The following STRN variants were observed in gnomAD, a reference collection of about 807,000 sequenced individuals.
STRN encodes the protein striatin, also known as protein phosphatase 2 regulatory subunit B'''alpha.
In STRN, 53 loss-of-function variants were observed where a neutral mutation model predicts 96.3. The observed-to-expected ratio is 0.55, with a 90% CI of 0.44 to 0.69. STRN has a LOEUF of 0.69. STRN is among the 30% of genes least tolerant of loss of function. The pLI is 0.00. For synonymous variants in STRN, 428 were observed against 355.9 expected (o/e 1.20, Z -2.28); for missense variants, 987 against 963.9 (o/e 1.02, Z -0.32).
At chr2:36,881,254 A>G (rs1669061799) in intron 9 of STRN, among the ~76,000 whole-genome samples, 1 of 151,190 alleles carries the variant, frequency 6.6e-6, no homozygotes, top group Non-Finnish European at 1.5e-5. Flanking sequence ...CAGCCTCCCA[A>G]GTAGCTGGGA....
intron 11 of STRN, among the ~76,000 whole-genome samples, chr2:36,868,918 G>A (rs571577866): frequency 2.0e-5 from 3 of 148,638 alleles, no homozygotes; most frequent in African/African-American, 7.5e-5. Flanking sequence ...GTGGAGCTCC[G>A]ATAAGGACCC....
intron 12 of STRN, among the ~76,000 whole-genome samples, chr2:36,861,964 C>G (rs75635648): frequency 0.039 from 5,870 of 152,098 alleles, 173 homozygotes; most frequent in East Asian, 0.13. Context: ...TCTATTGTTC[C>G]CTTCTTCTGT....
intron 7 of STRN, among the ~76,000 whole-genome samples, chr2:36,893,378 G>A (rs1455808002): frequency 6.6e-6 from 1 of 151,126 alleles, no homozygotes; most frequent in Non-Finnish European, 1.5e-5. Flanking sequence ...TTTATGAGAC[G>A]GATTTTCCCC....
At chr2:36,920,043 A>T (rs908605235) in intron 2 of STRN, among the ~76,000 whole-genome samples, 6 of 151,544 alleles carry the variant, frequency 4.0e-5, no homozygotes, top group Admixed American at 1.3e-4. Context: ...AAAGAAAATC[A>T]TGTAAAATCA....
At position 36,847,098 on chromosome 2, in the gene STRN, T is replaced by C. The variant is rs1312257553; in HGVS notation, c.*2358A>G. 1 of 152,168 alleles carries C rather than the reference T, an allele frequency of 6.6e-6. No individual in the cohort carries two copies. Among genetic ancestry groups the C allele is most frequent in the Admixed American group, 6.6e-5 (1 of 15,256 alleles). The allele number at this position is 152,168 out of a possible 1,614,324, so 9.4% of individuals were successfully genotyped here. A position where few individuals can be genotyped will look rare whatever the true frequency, so the allele number is the denominator to read the frequency against. ...CTAGGCTGAGATCATGCAGTGCTGG[T>C]AGAGAAGACTCTCTCCGTAGTCTCC... On this transcript the variant is annotated 3_prime_UTR_variant, in exon 18 of 18. Coordinates refer to ENST00000263918, the MANE Select transcript of STRN (RefSeq NM_003162.4).
At chr2:36,876,110 A>C (rs995891882) in intron 10 of STRN, among the ~76,000 whole-genome samples, 14 of 151,948 alleles carry the variant, frequency 9.2e-5, no homozygotes, top group Admixed American at 8.5e-4. Flanking sequence ...CTCTACCAAA[A>C]ATAAAGGAAA....
chr2:36,905,951 T>C (rs1258926950), intron 3 of STRN, among the ~76,000 whole-genome samples: 2 of 152,148 alleles, frequency 1.3e-5, no homozygotes, highest in African/African-American at 2.4e-5. Context: ...TATTATAAAG[T>C]AGCACATCAG....
chr2:36,841,981 CAA>C lies in STRN; in HGVS notation c.*7473_*7474del, dbSNP rs1667964101. ...GTACTTCTTTCCCCACACTCTCACC[CAA>C]GTTATCCAGCCCCCAAAATAAACTG... On this transcript the variant is annotated 3_prime_UTR_variant, in exon 18 of 18. Transcript: ENST00000263918. The C allele has an allele frequency of 6.6e-6, 1 of 152,178 alleles. No homozygotes were observed. Among genetic ancestry groups the C allele is most frequent in the African/African-American group, 2.4e-5 (1 of 41,438 alleles). The allele number at this position is 152,178 out of a possible 1,614,324, so 9.4% of individuals were successfully genotyped here. A position where few individuals can be genotyped will look rare whatever the true frequency, so the allele number is the denominator to read the frequency against.
chr2:36,857,202 C>T (rs1668368418), intron 14 of STRN, among the ~76,000 whole-genome samples: 3 of 151,546 alleles, frequency 2.0e-5, no homozygotes, highest in Admixed American at 2.0e-4. Flanking sequence ...GCTAGGATTA[C>T]AGGTGTGAGC....
chr2:36,963,896 G>A (rs1454277018), intron 1 of STRN, among the ~76,000 whole-genome samples: 1 of 151,990 alleles, frequency 6.6e-6, no homozygotes. Context: ...GGCTGAGGCA[G>A]AAGGATTGCT....
intron 1 of STRN, among the ~76,000 whole-genome samples, chr2:36,930,431 CAAAA>C (rs1255302084): frequency 9.2e-6 from 1 of 108,676 alleles, no homozygotes; most frequent in Non-Finnish European, 2.0e-5. Flanking sequence ...GACTCCATCT[CAAAA>C]AAAAAAAAAA....
chr2:36,876,175 T>TGGGAGGATCATTTGAGCCCAGTGG (rs1558632928), intron 10 of STRN, among the ~76,000 whole-genome samples: 3 of 151,672 alleles, frequency 2.0e-5, no homozygotes, highest in African/African-American at 7.3e-5. Flanking sequence ...GAGGCTGAGA[T>TGGGAGGATCATTTGAGCCCAGTGG]GGGAGGATCA....
intron 13 of STRN, among the ~76,000 whole-genome samples, 193 bp from the exon 14 acceptor site, chr2:36,858,216 A>C (rs535922912): frequency 4.6e-5 from 7 of 152,222 alleles, no homozygotes; most frequent in Non-Finnish European, 1.0e-4. Flanking sequence ...AAAGTTAAAA[A>C]ATTTTAAATT....
At chr2:36,881,123 T>C (rs1450752346) in intron 9 of STRN, among the ~76,000 whole-genome samples, 2 of 140,524 alleles carry the variant, frequency 1.4e-5, no homozygotes, top group Admixed American at 7.0e-5. Context: ...GCCTTCTTTT[T>C]TTTTTTTTTT....
At chr2:36,915,367 G>A (rs894371222) in intron 3 of STRN, among the ~76,000 whole-genome samples, 4 of 148,758 alleles carry the variant, frequency 2.7e-5, no homozygotes, top group East Asian at 2.0e-4. Flanking sequence ...CTGAAATTAC[G>A]CCAGAAACGT....
intron 3 of STRN, among the ~76,000 whole-genome samples, chr2:36,911,186 C>G (rs1439261137): frequency 1.3e-5 from 2 of 152,172 alleles, no homozygotes; most frequent in East Asian, 3.8e-4. Flanking sequence ...ACTTCTACAT[C>G]ATCTTGAGTG....
At chr2:36,891,537 C>T (rs918547908) in intron 7 of STRN, among the ~76,000 whole-genome samples, 21 of 151,708 alleles carry the variant, frequency 1.4e-4, no homozygotes, top group African/African-American at 5.1e-4. Context: ...AAAAAAGATT[C>T]AACAAATGCC....
intron 9 of STRN, among the ~76,000 whole-genome samples, chr2:36,879,630 T>C (rs958981273): frequency 6.6e-6 from 1 of 152,236 alleles, no homozygotes; most frequent in South Asian, 2.1e-4. Context: ...ACGTCAGAGA[T>C]AGTCTTTGAG....
intron 15 of STRN, among the ~76,000 whole-genome samples, chr2:36,851,536 T>A (rs1056031581): frequency 2.0e-5 from 3 of 152,156 alleles, no homozygotes; most frequent in Non-Finnish European, 4.4e-5. Flanking sequence ...CTTTCATTAT[T>A]TGTCTTTAGT....
Sources: allele counts gnomAD v4.1 joint callset (sites outside exome capture counted in the v4.1 genomes callset), GRCh38; gene constraint gnomAD v4.1.1; transcripts MANE v1.5; gene names NCBI Gene and HGNC (gene_info 2026-07-23, HGNC 2026-07-21).